The following SHISA9 variants were observed in gnomAD, a reference collection of about 807,000 sequenced individuals.
SHISA9 encodes protein shisa-9.
SHISA9 carries 13 observed loss-of-function variants against 38.0 expected under a neutral mutation model. That is an observed-to-expected ratio of 0.34 (90% CI 0.22 to 0.54). SHISA9 has a LOEUF of 0.54. SHISA9 is among the 20% of genes least tolerant of loss of function. The pLI, the probability that SHISA9 is intolerant of heterozygous loss-of-function variation, is 0.91. For missense variants in SHISA9, 538 were observed against 575.8 expected (o/e 0.93, Z 0.67); for synonymous variants, 275 against 242.0 (o/e 1.14, Z -1.27).
At chr16:13,259,346 C>T in the SHISA9 span, among the ~76,000 whole-genome samples, 1 of 152,176 alleles carries the variant, frequency 6.6e-6, no homozygotes, top group Non-Finnish European at 1.5e-5. Flanking sequence ...CTCCTGGCTG[C>T]TTTCACAGGC....
chr16:13,487,594 C>T, the SHISA9 span, among the ~76,000 whole-genome samples: 1 of 152,178 alleles, frequency 6.6e-6, no homozygotes, highest in Non-Finnish European at 1.5e-5. Flanking sequence ...GCCACCAGAC[C>T]CCACCTCCAA....
the SHISA9 span, among the ~76,000 whole-genome samples, chr16:13,357,632 G>A: frequency 1.3e-5 from 2 of 152,188 alleles, no homozygotes; most frequent in Non-Finnish European, 2.9e-5. Flanking sequence ...CAACATGGCT[G>A]TTTATTTCAC....
chr16:12,975,099 A>T (rs763244693), intron 2 of SHISA9, among the ~76,000 whole-genome samples: 5 of 152,176 alleles, frequency 3.3e-5, no homozygotes, highest in Non-Finnish European at 7.4e-5. Flanking sequence ...TATCTGAGCA[A>T]CATTCCCTGC....
chr16:12,943,328 TGTGAGAGAGAGAGAGAGA>T (rs2071645020), intron 2 of SHISA9, among the ~76,000 whole-genome samples: 19 of 18,730 alleles, frequency 1.0e-3, no homozygotes, highest in Non-Finnish European at 1.2e-3. Context: ...TGTGTGTGTG[TGTGAGAGAGAGAGAGAGA>T]GAGAGAGAGA....
intron 2 of SHISA9, among the ~76,000 whole-genome samples, chr16:12,976,859 T>C (rs1475056424): frequency 6.6e-6 from 1 of 152,044 alleles, no homozygotes; most frequent in Non-Finnish European, 1.5e-5. Flanking sequence ...GGAAGAAATA[T>C]TTGGGACCTC....
rs1207707042 is a variant in SHISA9, at chr16:13,037,109, G to GACACAC, written c.691+120337_691+120342dup. Among the ~76,000 whole-genome samples, 275 of 105,258 alleles carry GACACAC rather than the reference G, an allele frequency of 2.6e-3. 1 individual carries two copies. The highest frequency in any genetic ancestry group is 5.5e-3 in the East Asian group (18 of 3,290). The allele number at this position is 105,258 out of a possible 152,430, so 69.1% of individuals were successfully genotyped here. On this transcript the variant is annotated intron_variant, in intron 2 of 4. Transcript: ENST00000558583. ...CACACCACACACACACACACACACA[G>GACACAC]ACACACACACACACACACACACACA...
rs2051137482 is a variant in SHISA9, at chr16:13,213,268, A to G, written c.863A>G (p.Asp288Gly). Reference sequence around the variant, plus strand: ...ATTTTTTTAGGAAGTTCTGATGGTGACTGGGCAGTATCGACACTTAAGTCA... The same window carrying G: ...ATTTTTTTAGGAAGTTCTGATGGTGGCTGGGCAGTATCGACACTTAAGTCA... Reference protein sequence around the residue: ...SLKAVGSSDGDWAVSTLKSPK... With the variant: ...SLKAVGSSDGGWAVSTLKSPK... The change falls in exon 4 of 5, where the codon GAC (aspartate) becomes GGC (glycine). Residue 288 changes from aspartate (D) to glycine (G), a missense_variant. Transcript: ENST00000558583. 6.4e-7 allele frequency: 1 copy of G among 1,551,852 alleles called. No homozygotes were observed. Among genetic ancestry groups the G allele is most frequent in the Non-Finnish European group, 8.7e-7 (1 of 1,147,006 alleles).
chr16:12,913,582 T>G (rs2141717693), intron 1 of SHISA9, among the ~76,000 whole-genome samples: 1 of 152,328 alleles, frequency 6.6e-6, no homozygotes, highest in East Asian at 1.9e-4. Flanking sequence ...CCATCATCAC[T>G]ACTTACTCCA....
chr16:13,262,760 A>C, the SHISA9 span, among the ~76,000 whole-genome samples: 4 of 151,342 alleles, frequency 2.6e-5, no homozygotes, highest in Non-Finnish European at 5.9e-5. Flanking sequence ...GATGTTAGCT[A>C]CTCCCTTGTG....
At chr16:13,504,059 C>A in the SHISA9 span, among the ~76,000 whole-genome samples, 1 of 152,098 alleles carries the variant, frequency 6.6e-6, no homozygotes, top group African/African-American at 2.4e-5. Flanking sequence ...CAGAAGCAGC[C>A]TAGTGTGTCA....
the SHISA9 span, among the ~76,000 whole-genome samples, chr16:13,489,329 T>C: frequency 0.29 from 43,629 of 152,100 alleles, 6,821 homozygotes; most frequent in East Asian, 0.37. Flanking sequence ...GGATTACAGG[T>C]ATGAGCCACT....
chr16:13,391,475 A>G, the SHISA9 span, among the ~76,000 whole-genome samples: 1 of 152,226 alleles, frequency 6.6e-6, no homozygotes, highest in African/African-American at 2.4e-5. Flanking sequence ...ACTTGGAAGC[A>G]GCAAACAAAA....
the SHISA9 span, among the ~76,000 whole-genome samples, chr16:13,468,149 A>T: frequency 1.3e-5 from 2 of 152,194 alleles, no homozygotes; most frequent in East Asian, 3.9e-4. Context: ...CTGCAGCAAG[A>T]TCTCATTTTA....
chr16:13,417,737 T>G, the SHISA9 span, among the ~76,000 whole-genome samples: 1 of 152,320 alleles, frequency 6.6e-6, no homozygotes, highest in South Asian at 2.1e-4. Flanking sequence ...GCCTGGATGA[T>G]GAGATCTATC....
intron 2 of SHISA9, among the ~76,000 whole-genome samples, chr16:12,947,750 T>C (rs539013033): frequency 1.3e-5 from 2 of 152,332 alleles, no homozygotes; most frequent in Non-Finnish European, 2.9e-5. Flanking sequence ...AAGAACTCCC[T>C]GCCCCTTGAA....
intron 2 of SHISA9, among the ~76,000 whole-genome samples, chr16:12,930,331 T>C (rs2071447335): frequency 6.6e-6 from 1 of 152,246 alleles, no homozygotes; most frequent in South Asian, 2.1e-4. Flanking sequence ...CCTTCAGTGC[T>C]GTTATCAGAG....
the SHISA9 span, among the ~76,000 whole-genome samples, chr16:13,511,828 C>G: frequency 6.6e-6 from 1 of 152,254 alleles, no homozygotes; most frequent in Non-Finnish European, 1.5e-5. Flanking sequence ...AGAAATCCCT[C>G]TCAAGTCCTA....
At chr16:13,273,978 C>A in the SHISA9 span, among the ~76,000 whole-genome samples, 1 of 152,048 alleles carries the variant, frequency 6.6e-6, no homozygotes, top group Non-Finnish European at 1.5e-5. Flanking sequence ...CTGGGCTCTT[C>A]CAAAGTAGTT....
intron 4 of SHISA9, among the ~76,000 whole-genome samples, chr16:13,232,074 G>T (rs2142085867): frequency 6.6e-6 from 1 of 152,338 alleles, no homozygotes; most frequent in African/African-American, 2.4e-5. Flanking sequence ...AGGAGAATCA[G>T]AAACAGACAT....
Sources: allele counts gnomAD v4.1 joint callset (sites outside exome capture counted in the v4.1 genomes callset), GRCh38; gene constraint gnomAD v4.1.1; transcripts MANE v1.5; gene names NCBI Gene and HGNC (gene_info 2026-07-23, HGNC 2026-07-21).